Variants in TJP1 observed in about 807,000 individuals in gnomAD.
The protein encoded by TJP1 is tight junction protein 1.
Under a neutral mutation model 194.2 loss-of-function variants are expected in TJP1, and 43 were observed. That is an observed-to-expected ratio of 0.22 (90% CI 0.17 to 0.29). TJP1 has a LOEUF of 0.29. Ranked by LOEUF, TJP1 falls within the 10% of genes least tolerant of loss-of-function variation. The pLI is 1.00. For synonymous variants in TJP1, 801 were observed against 779.0 expected, an observed-to-expected ratio of 1.03 and a Z score of -0.47; for missense variants, 1,971 against 2,185.7, an observed-to-expected ratio of 0.90 and a Z score of 1.96.
rs762751960 is a variant in TJP1 at position 29,708,835 on chromosome 15, T to C, written c.4574A>G (p.Asn1525Ser). 1.7e-5 allele frequency: 28 copies of C among 1,614,052 alleles called. No individual in the cohort carries two copies. The East Asian group carries it at 4.0e-4, about 23-fold the overall frequency. ...TGTATATGGTTTTGGTGTGAATCGA[T>C]TGTATGCTGGAGTGACTGTTTTCTG... ...QTQKTVTPAY[N>S]RFTPKPYTSS... Residue 1525 changes from asparagine to serine, a missense_variant, in exon 25 of 28, where the codon AAT becomes AGT. This residue lies in a region of TJP1 where 1,108 missense variants were observed against 1,128.5 expected (regional missense o/e 0.98). Coordinates refer to ENST00000614355, the MANE Select transcript of TJP1 (RefSeq NM_001330239.4).
intron 2 of TJP1, among the ~76,000 whole-genome samples, chr15:29,860,445 T>C (rs1164181706): frequency 2.0e-5 from 3 of 152,154 alleles, no homozygotes; most frequent in Non-Finnish European, 4.4e-5. Context: ...AACTCCCTAG[T>C]CCCTGGCAAT....
intron 2 of TJP1, among the ~76,000 whole-genome samples, chr15:29,892,514 T>C (rs1293909036): frequency 6.6e-6 from 1 of 152,224 alleles, no homozygotes; most frequent in Non-Finnish European, 1.5e-5. Flanking sequence ...AATGGAAAAG[T>C]CAAGTCCTGG....
At chr15:29,965,969 G>A (rs999766795) in intron 1 of TJP1, among the ~76,000 whole-genome samples, 17 of 152,164 alleles carry the variant, frequency 1.1e-4, no homozygotes, top group Admixed American at 6.5e-4. Context: ...CTCTTAGTAA[G>A]ATGGTTTTTA....
intron 2 of TJP1, among the ~76,000 whole-genome samples, chr15:29,922,035 C>T (rs749884277): frequency 1.3e-5 from 2 of 151,994 alleles, no homozygotes; most frequent in African/African-American, 2.4e-5. Flanking sequence ...TTAGTAGAGA[C>T]GGGGTTTCAC....
chr15:29,706,291 T>C (rs144708046), intron 25 of TJP1, among the ~76,000 whole-genome samples: 1 of 152,278 alleles, frequency 6.6e-6, no homozygotes, highest in Admixed American at 6.5e-5. Context: ...TAGAGAAATG[T>C]CAAAAATTCA....
At chr15:29,836,028 T>C (rs1023808469) in intron 2 of TJP1, among the ~76,000 whole-genome samples, 1 of 152,182 alleles carries the variant, frequency 6.6e-6, no homozygotes. Context: ...GTCTCCTGTC[T>C]TTGTTGGGTA....
intron 25 of TJP1, among the ~76,000 whole-genome samples, chr15:29,708,078 C>T (rs1452753762): frequency 1.3e-5 from 2 of 151,962 alleles, no homozygotes; most frequent in Non-Finnish European, 2.9e-5. Context: ...CACCTGTAGT[C>T]CCAGCTACTT....
chr15:29,931,547 A>G (rs2054714496), intron 2 of TJP1, among the ~76,000 whole-genome samples: 1 of 152,208 alleles, frequency 6.6e-6, no homozygotes, highest in African/African-American at 2.4e-5. Flanking sequence ...TGTAATTCCA[A>G]ACTCCTGCTA....
intron 2 of TJP1, among the ~76,000 whole-genome samples, chr15:29,949,468 CACCACCTCCACA>C (rs2055482767): frequency 1.6e-5 from 2 of 128,238 alleles, no homozygotes; most frequent in African/African-American, 3.1e-5. Context: ...CTTCCACCAC[CACCACCTCCACA>C]ACCACCACCT....
chr15:29,816,058 A>G (rs990695179), intron 1 of TJP1, among the ~76,000 whole-genome samples: 5 of 151,130 alleles, frequency 3.3e-5, no homozygotes, highest in Non-Finnish European at 7.4e-5. Flanking sequence ...TTGCCCAGGC[A>G]GGAGTGCAGT....
intron 23 of TJP1, among the ~76,000 whole-genome samples, chr15:29,715,907 T>G (rs1012159948): frequency 1.3e-5 from 2 of 152,224 alleles, no homozygotes; most frequent in African/African-American, 4.8e-5. Flanking sequence ...TTTTGTTCTA[T>G]TGAGGTATGA....
At chr15:29,725,461 C>A (rs1238603211) in intron 18 of TJP1, among the ~76,000 whole-genome samples, 1 of 151,730 alleles carries the variant, frequency 6.6e-6, no homozygotes, top group Non-Finnish European at 1.5e-5. Flanking sequence ...GGGCAAAACA[C>A]AACAAAAACC....
At chr15:29,767,420 TC>T (rs1482354458) in intron 4 of TJP1, among the ~76,000 whole-genome samples, 2 of 152,184 alleles carry the variant, frequency 1.3e-5, no homozygotes, top group East Asian at 3.9e-4. Flanking sequence ...AATTCCTTCA[TC>T]TTAGTTCATC....
chr15:29,720,775 C>G, intron 18 of TJP1, 67 bp from the exon 19 acceptor site: 1 of 1,228,662 alleles, frequency 8.1e-7, no homozygotes, highest in Non-Finnish European at 1.1e-6. Flanking sequence ...CTTTATCGTA[C>G]AAGGCAGATT....
intron 2 of TJP1, among the ~76,000 whole-genome samples, chr15:29,898,906 A>G (rs1208612407): frequency 6.6e-6 from 1 of 152,250 alleles, no homozygotes; most frequent in Non-Finnish European, 1.5e-5. Context: ...ATGGAAATAC[A>G]TAGGTTATAG....
At chr15:29,854,013 G>A (rs1013207136) in intron 2 of TJP1, among the ~76,000 whole-genome samples, 2 of 152,096 alleles carry the variant, frequency 1.3e-5, no homozygotes, top group Non-Finnish European at 2.9e-5. Flanking sequence ...AGAAAACTGT[G>A]ACTGATATGT....
chr15:29,782,995 C>T (rs549940841), intron 2 of TJP1, among the ~76,000 whole-genome samples: 1 of 151,658 alleles, frequency 6.6e-6, no homozygotes, highest in Admixed American at 6.6e-5. Flanking sequence ...AATGAGCGGC[C>T]GGGCGTGGTG....
At chr15:29,822,679 GTT>G (rs1057400337), upstream of TJP1, 1 of 180,052 alleles carries the variant, frequency 5.6e-6, no homozygotes, top group African/African-American at 2.4e-5. Flanking sequence ...GAGTCTTCCT[GTT>G]TGTTTTTATC....
At chr15:29,936,622 A>G (rs1014863999) in intron 2 of TJP1, among the ~76,000 whole-genome samples, 2 of 152,148 alleles carry the variant, frequency 1.3e-5, no homozygotes, top group African/African-American at 4.8e-5. Context: ...CAGTCTGACT[A>G]AACTCCCACT....
Sources: gnomAD v4.1 joint callset for allele counts (sites outside exome capture counted in the v4.1 genomes callset) on GRCh38, gnomAD v4.1.1 for gene constraint, gnomAD v4.1.1 regional missense constraint, MANE v1.5 for transcripts, NCBI Gene and HGNC (gene_info 2026-07-23, HGNC 2026-07-21) for gene names.